The following FBN1 variants were observed in gnomAD, a reference collection of about 807,000 sequenced individuals.
The protein encoded by FBN1 is fibrillin 1.
FBN1 carries 29 observed loss-of-function variants against 365.1 expected under a neutral mutation model. The observed-to-expected ratio is 0.08, with a 90% CI of 0.06 to 0.11. The LOEUF (loss-of-function observed/expected upper bound fraction) is 0.11. Among genes scored for constraint, FBN1 ranks in the 10% least tolerant of loss-of-function variants. The pLI, the probability that FBN1 is intolerant of heterozygous loss-of-function variation, is 1.00. For synonymous variants in FBN1, 1,210 were observed against 1,270.5 expected, an observed-to-expected ratio of 0.95 and a Z score of 1.01; for missense variants, 2,476 against 3,703.2, an observed-to-expected ratio of 0.67 and a Z score of 8.60.
At position 48,516,378 on chromosome 15, in the gene FBN1, A is replaced by G. The variant is rs1334153536; in HGVS notation, c.1148-16T>C. 5 of 1,612,884 alleles carry G rather than the reference A, an allele frequency of 3.1e-6. No homozygotes were observed. In the South Asian group the frequency reaches 5.5e-5, roughly 18 times the overall value. ...TTGAAATCCTCTAGAAAAACACAAC[A>G]AAACAAAACACAACAGCTGAGCTGT... On this transcript the variant is annotated splice_polypyrimidine_tract_variant and intron_variant, in intron 10 of 65. Coordinates refer to ENST00000316623, the MANE Select transcript of FBN1 (RefSeq NM_000138.5).
intron 2 of FBN1, among the ~76,000 whole-genome samples, chr15:48,625,035 C>A (rs368420600): frequency 1.3e-5 from 2 of 152,172 alleles, no homozygotes; most frequent in Non-Finnish European, 2.9e-5. Context: ...CCAATGGGGT[C>A]AGACTTAGGA....
At chr15:48,543,495 T>G (rs1383462894) in intron 6 of FBN1, among the ~76,000 whole-genome samples, 1 of 152,220 alleles carries the variant, frequency 6.6e-6, no homozygotes, top group Non-Finnish European at 1.5e-5. Context: ...CTATGAAGTT[T>G]CTTGTCAAAA....
chr15:48,590,574 T>A (rs752550877), intron 6 of FBN1, among the ~76,000 whole-genome samples: 1 of 152,264 alleles, frequency 6.6e-6, no homozygotes, highest in Non-Finnish European at 1.5e-5. Context: ...AAACGTCAAC[T>A]GCACATATAA....
chr15:48,428,175 G>T, intron 57 of FBN1, 171 bp downstream of exon 57: 3 of 804,386 alleles, frequency 3.7e-6, no homozygotes, highest in African/African-American at 1.7e-5. Context: ...GCTGCAGGGT[G>T]GTGCTGAGCC....
rs373887214 is a variant in FBN1 at position 48,460,259 on chromosome 15, G to A, written c.5283C>T (p.Thr1761=). ...GTCATGACTCACCAACGGGTAAACC[G>A]GTATAAATGTCGATGACAAAGCCTG... is the stretch of plus-strand genomic sequence containing the variant. The part of the protein sequence containing the change: ...QRPGFVIDIY[T]GLPVDIDECR... The change falls in exon 43 of 66, where the codon ACC becomes ACT. Residue 1761 remains threonine (T), a synonymous_variant. Transcript: ENST00000316623. The A allele has an allele frequency of 1.1e-5, 18 of 1,612,930 alleles. No homozygotes were observed. Among genetic ancestry groups the A allele is most frequent in the South Asian group, 2.2e-5 (2 of 91,060 alleles).
chr15:48,593,813 G>C (rs1039400201), intron 6 of FBN1, among the ~76,000 whole-genome samples: 3 of 152,176 alleles, frequency 2.0e-5, no homozygotes, highest in Admixed American at 6.5e-5. Flanking sequence ...GCTATAAAAA[G>C]AGATGTGGAG....
At chr15:48,627,658 C>T (rs945990432) in intron 2 of FBN1, among the ~76,000 whole-genome samples, 1 of 152,202 alleles carries the variant, frequency 6.6e-6, no homozygotes, top group Non-Finnish European at 1.5e-5. Flanking sequence ...TCCAATTTCA[C>T]GTCTCTGTGA....
At chr15:48,460,772 G>T (rs1261922028) in intron 42 of FBN1, among the ~76,000 whole-genome samples, 1 of 152,102 alleles carries the variant, frequency 6.6e-6, no homozygotes, top group Non-Finnish European at 1.5e-5. Flanking sequence ...ATCTATTAAT[G>T]ACTAATTTGG....
chr15:48,412,266 C>T (rs1390470154), intron 65 of FBN1, among the ~76,000 whole-genome samples: 1 of 152,234 alleles, frequency 6.6e-6, no homozygotes, highest in Non-Finnish European at 1.5e-5. Context: ...TGCCCACTTG[C>T]TGTCCTGGAT....
intron 2 of FBN1, among the ~76,000 whole-genome samples, chr15:48,620,806 T>A (rs544594972): frequency 1.1e-4 from 16 of 152,306 alleles, no homozygotes; most frequent in South Asian, 2.1e-4. Flanking sequence ...GCACACCTAA[T>A]GCCTAGATCT....
intron 6 of FBN1, among the ~76,000 whole-genome samples, chr15:48,542,780 G>GAT (rs1394374854): frequency 3.8e-5 from 3 of 79,168 alleles, no homozygotes; most frequent in Admixed American, 1.4e-4. Flanking sequence ...AGGACTCTAA[G>GAT]ATGTGTGTGT....
chr15:48,501,853 A>T (rs2043661425), intron 17 of FBN1, among the ~76,000 whole-genome samples: 1 of 152,244 alleles, frequency 6.6e-6, no homozygotes, highest in Non-Finnish European at 1.5e-5. Context: ...ATAATATACA[A>T]CTATAAAGTT....
chr15:48,617,938 A>T (rs536050901), intron 2 of FBN1, among the ~76,000 whole-genome samples: 1 of 152,340 alleles, frequency 6.6e-6, no homozygotes, highest in East Asian at 1.9e-4. Flanking sequence ...GGTAATAAAA[A>T]CAAGGTCAGG....
At chr15:48,636,129 C>G (rs1267197080) in intron 2 of FBN1, among the ~76,000 whole-genome samples, 1 of 152,192 alleles carries the variant, frequency 6.6e-6, no homozygotes, top group Non-Finnish European at 1.5e-5. Context: ...GCCCTTCAAT[C>G]TGGATGAGGC....
Position 48,495,645 on chromosome 15 carries a change from TA to T in FBN1, c.2420-58del, listed in dbSNP as rs149403312. 5.5e-3 allele frequency: 8,872 copies of T among 1,610,890 alleles called. 148 individuals are homozygous for T. The African/African-American group carries it at 0.057, about 10-fold the overall frequency. On this transcript the variant is annotated intron_variant, in intron 20 of 65. Transcript: ENST00000316623. ...AAATCTAGTCTTGGGCCTAAAAGAG[TA>T]CTTCAACTTTGACCCCAATTGCTAC...
intron 6 of FBN1, among the ~76,000 whole-genome samples, chr15:48,551,549 C>T (rs888874258): frequency 6.7e-6 from 1 of 149,504 alleles, no homozygotes; most frequent in Non-Finnish European, 1.5e-5. Context: ...TTCAGGGGTA[C>T]AAGCGCAGGT....
chr15:48,420,796 C>T lies in FBN1; in HGVS notation c.7710G>A (p.Glu2570=), dbSNP rs748055037. The change falls in exon 63 of 66, where the codon GAG becomes GAA. Residue 2570 remains glutamate, a synonymous_variant. Transcript: ENST00000316623. ...GCTGGCAGCGGTGGTTACCCTCACA[C>T]TCGTCCACGTCTGAAAAAGAAGCAG... is the stretch of plus-strand genomic sequence containing the variant. The part of the protein sequence containing the change: ...QTGSSCEDVD[E]CEGNHRCQHG... 1.9e-6 allele frequency: 3 copies of T among 1,614,018 alleles called. No homozygotes were observed. Among genetic ancestry groups the T allele is most frequent in the East Asian group, 4.5e-5 (2 of 44,882 alleles).
intron 42 of FBN1, among the ~76,000 whole-genome samples, chr15:48,462,435 G>C (rs1325022147): frequency 6.6e-6 from 1 of 151,980 alleles, no homozygotes; most frequent in Non-Finnish European, 1.5e-5. Flanking sequence ...TCAATATCAA[G>C]AAAAGTTGCA....
chr15:48,416,253 G>A (rs1046199109), intron 63 of FBN1, among the ~76,000 whole-genome samples: 1 of 152,120 alleles, frequency 6.6e-6, no homozygotes, highest in Non-Finnish European at 1.5e-5. Flanking sequence ...CCATTTTCCC[G>A]CAGGCTGCTT....
Sources: allele counts gnomAD v4.1 joint callset (sites outside exome capture counted in the v4.1 genomes callset), GRCh38; gene constraint gnomAD v4.1.1; transcripts MANE v1.5; gene names NCBI Gene and HGNC (gene_info 2026-07-23, HGNC 2026-07-21).